The following WIPF3 variants were observed in gnomAD, a reference collection of about 807,000 sequenced individuals.
WIPF3 encodes WAS/WASL-interacting protein family member 3.
Under a neutral mutation model 38.9 loss-of-function variants are expected in WIPF3, and 33 were observed. The observed-to-expected ratio is 0.85, with a 90% CI of 0.64 to 1.14. WIPF3 has a LOEUF of 1.14. Ranked by LOEUF, WIPF3 falls within the 50% of genes most tolerant of loss-of-function variation. The probability of loss-of-function intolerance (pLI) is 0.00; values close to 1 mark genes in which losing one functional copy is unlikely to be tolerated. For synonymous variants in WIPF3, 324 were observed against 269.3 expected, an observed-to-expected ratio of 1.20 and a Z score of -1.99; for missense variants, 711 against 652.5, an observed-to-expected ratio of 1.09 and a Z score of -0.98.
At chr7:29,835,756 G>C (rs755736413) in intron 2 of WIPF3, among the ~76,000 whole-genome samples, 1 of 152,184 alleles carries the variant, frequency 6.6e-6, no homozygotes, top group South Asian at 2.1e-4. Context: ...TCTGTTTTCC[G>C]TGGAAAATGA....
At chr7:29,888,268 C>T (rs1363350705) in intron 6 of WIPF3, 51 bp downstream of exon 6, 12 of 1,555,454 alleles carry the variant, frequency 7.7e-6, no homozygotes, top group South Asian at 4.8e-5. Flanking sequence ...GAAAGTGATT[C>T]TCCCAACCTC....
chr7:29,901,642 AT>A (rs1445674546), intron 7 of WIPF3, among the ~76,000 whole-genome samples: 1 of 151,080 alleles, frequency 6.6e-6, no homozygotes, highest in Non-Finnish European at 1.5e-5. Flanking sequence ...TCATGTTTCT[AT>A]TTTTCTATTT....
intron 2 of WIPF3, among the ~76,000 whole-genome samples, chr7:29,856,502 G>T (rs1785189472): frequency 6.6e-6 from 1 of 152,042 alleles, no homozygotes; most frequent in South Asian, 2.1e-4. Flanking sequence ...TTGGTGTGCT[G>T]TCTGTTGTCT....
chr7:29,894,694 T>A (rs1786095333), intron 7 of WIPF3, among the ~76,000 whole-genome samples: 1 of 151,992 alleles, frequency 6.6e-6, no homozygotes, highest in Non-Finnish European at 1.5e-5. Context: ...ATCAGATGAG[T>A]GTGTTCTCAT....
At chr7:29,858,095 T>C (rs956327785) in intron 2 of WIPF3, among the ~76,000 whole-genome samples, 3 of 152,228 alleles carry the variant, frequency 2.0e-5, no homozygotes, top group Non-Finnish European at 4.4e-5. Flanking sequence ...TTTTCTCATA[T>C]TACATAGCCA....
At chr7:29,893,300 AGGGC>A (rs1377631820) in intron 7 of WIPF3, among the ~76,000 whole-genome samples, 52 of 152,198 alleles carry the variant, frequency 3.4e-4, no homozygotes, top group Admixed American at 3.9e-4. Flanking sequence ...AGGTGGCTAA[AGGGC>A]TACAAGGGGG....
At position 29,817,421 on chromosome 7, in the gene WIPF3, C is replaced by T. The variant is rs62459991; in HGVS notation, c.-58+10743C>T. ...TTCTATACATTTTAGAAAGGTCTTT[C>T]TGACTTGTAGATTTTAAAAATTCTC... On this transcript the variant is annotated intron_variant, in intron 1 of 8. Coordinates refer to ENST00000242140, the MANE Select transcript of WIPF3 (RefSeq NM_001080529.3). 6.9e-3 allele frequency among the ~76,000 whole-genome samples: 1,043 copies of T among 152,068 alleles called. 5 individuals are homozygous for T. Among genetic ancestry groups the T allele is most frequent in the Non-Finnish European group, 0.011 (722 of 67,954 alleles).
intron 2 of WIPF3, among the ~76,000 whole-genome samples, chr7:29,870,054 C>G (rs146639776): frequency 4.1e-4 from 63 of 152,196 alleles, no homozygotes; most frequent in African/African-American, 1.2e-3. Context: ...GCATGTTGCT[C>G]TAGGAACACA....
intron 2 of WIPF3, among the ~76,000 whole-genome samples, chr7:29,851,588 G>T (rs553619167): frequency 3.2e-4 from 49 of 152,292 alleles, no homozygotes; most frequent in African/African-American, 1.1e-3. Flanking sequence ...GGCCTGTTTG[G>T]CTTAGATAAA....
intron 1 of WIPF3, among the ~76,000 whole-genome samples, chr7:29,818,854 G>A (rs1784496037): frequency 1.3e-5 from 2 of 152,142 alleles, no homozygotes; most frequent in Non-Finnish European, 1.5e-5. Context: ...GATATTTAGA[G>A]GCAGCTATGG....
At chr7:29,843,785 C>T (rs996486461) in intron 2 of WIPF3, among the ~76,000 whole-genome samples, 3 of 152,104 alleles carry the variant, frequency 2.0e-5, no homozygotes, top group African/African-American at 7.2e-5. Context: ...CCTTCTTTAA[C>T]CTTTCTTGTC....
chr7:29,884,387 C>A lies in WIPF3; in HGVS notation c.893C>A (p.Pro298His), dbSNP rs751029059. The change falls in exon 5 of 9, where the codon CCT (proline) becomes CAT (histidine). Residue 298 changes from proline to histidine, a missense_variant. Physicochemically the swap from Pro to His is moderately conservative, Grantham distance 77. Transcript: ENST00000242140. ...EPPAPPPPLP[P>H]YASCSPRASL... ...CCCGCCCCGCCGCCCCCGCTCCCCC[C>A]TTATGCTTCTTGCTCCCCGAGGGCT... The A allele has an allele frequency of 3.3e-6, 5 of 1,502,234 alleles. No individual in the cohort carries two copies. The East Asian group carries it at 1.0e-4, about 31-fold the overall frequency. 93.1% of individuals were successfully genotyped at this position (1,502,234 alleles called of 1,614,324 possible).
intron 3 of WIPF3, among the ~76,000 whole-genome samples, chr7:29,877,710 T>C (rs1375579509): frequency 6.6e-6 from 1 of 152,208 alleles, no homozygotes; most frequent in African/African-American, 2.4e-5. Context: ...AAGCTTTGTT[T>C]TATGCACAAA....
In WIPF3 at chr7:29,850,940, AT is replaced by A. The variant is rs373501558; in HGVS notation, c.90+16127del. Among the ~76,000 whole-genome samples the A allele has an allele frequency of 1.1e-4, 16 of 152,284 alleles. 1 individual carries two copies. The highest frequency in any genetic ancestry group is 3.6e-4 in the African/African-American group (15 of 41,568). ...GTGAAATGGAAATAATAATACCTTTATGGGGTTGTAAAGGAATTCACTGCAA... is the reference window on the plus strand; with the variant it reads ...GTGAAATGGAAATAATAATACCTTTAGGGGTTGTAAAGGAATTCACTGCAA... On this transcript the variant is annotated intron_variant, in intron 2 of 8. Coordinates refer to ENST00000242140, the MANE Select transcript of WIPF3 (RefSeq NM_001080529.3).
chr7:29,843,465 G>T (rs1211938289), intron 2 of WIPF3, among the ~76,000 whole-genome samples: 1 of 152,210 alleles, frequency 6.6e-6, no homozygotes, highest in Non-Finnish European at 1.5e-5. Flanking sequence ...CTCGCAGGCG[G>T]TGTCTGAGCT....
At position 29,884,373 on chromosome 7, in the gene WIPF3, G is replaced by A. The variant is rs777689217; in HGVS notation, c.879G>A (p.Pro293=). 18 of 458,762 alleles carry A rather than the reference G, an allele frequency of 3.9e-5. No individual in the cohort carries two copies. The highest frequency in any genetic ancestry group is 4.7e-5 in the Non-Finnish European group (17 of 361,502). The allele number at this position is 458,762 out of a possible 1,614,324, so 28.4% of individuals were successfully genotyped here. The change falls in exon 5 of 9, where the codon CCG becomes CCA. Residue 293 remains proline, a synonymous_variant. Transcript: ENST00000242140. ...AQDAQEPPAP[P]PPLPPYASCS... ...ATGCGCAGGAGCCTCCCGCCCCGCC[G>A]CCCCCGCTCCCCCCTTATGCTTCTT...
chr7:29,889,457 T>C, intron 7 of WIPF3, 50 bp downstream of exon 7: 1 of 1,426,916 alleles, frequency 7.0e-7, no homozygotes, highest in Non-Finnish European at 9.9e-7. Flanking sequence ...CCTTCAAAAT[T>C]AGGTGCCCAC....
chr7:29,807,887 A>C (rs1158474292), intron 1 of WIPF3, among the ~76,000 whole-genome samples: 2 of 152,166 alleles, frequency 1.3e-5, no homozygotes, highest in African/African-American at 4.8e-5. Flanking sequence ...TTCTCACTTC[A>C]CAGGGAGGAC....
chr7:29,806,903 C>T (rs1314452204), intron 1 of WIPF3, among the ~76,000 whole-genome samples: 2 of 151,360 alleles, frequency 1.3e-5, no homozygotes, highest in African/African-American at 2.4e-5. Context: ...CCCTGCCACG[C>T]CGCCCCGGCC....
Sources: allele counts gnomAD v4.1 joint callset (sites outside exome capture counted in the v4.1 genomes callset), GRCh38; gene constraint gnomAD v4.1.1; transcripts MANE v1.5; gene names NCBI Gene and HGNC (gene_info 2026-07-23, HGNC 2026-07-21).